TOX2: variants seen among roughly 807,000 people sequenced by gnomAD.
The protein encoded by TOX2 is granulosa cell HMG box 1.
In TOX2, 15 loss-of-function variants were observed where a neutral mutation model predicts 47.4. That is an observed-to-expected ratio of 0.32 (90% CI 0.21 to 0.49). The LOEUF is 0.49. Ranked by LOEUF, TOX2 falls within the 20% of genes least tolerant of loss-of-function variation. The pLI, the probability that TOX2 is intolerant of heterozygous loss-of-function variation, is 0.99. For synonymous variants in TOX2, 290 were observed against 296.6 expected (o/e 0.98, Z 0.23); for missense variants, 622 against 673.1 (o/e 0.92, Z 0.84).
At chr20:43,953,150 C>T (rs760790166) in intron 1 of TOX2, among the ~76,000 whole-genome samples, 1 of 152,152 alleles carries the variant, frequency 6.6e-6, no homozygotes, top group African/African-American at 2.4e-5. Context: ...CTAGAGCCTA[C>T]AGACCAGCCA....
At chr20:44,060,760 G>A (rs1234107042) in intron 5 of TOX2, among the ~76,000 whole-genome samples, 2 of 152,070 alleles carry the variant, frequency 1.3e-5, no homozygotes, top group Admixed American at 1.3e-4. Context: ...CAGCAAAAGT[G>A]GTGCTAAGAG....
At chr20:43,930,600 C>G (rs2069239372) in intron 1 of TOX2, among the ~76,000 whole-genome samples, 1 of 152,130 alleles carries the variant, frequency 6.6e-6, no homozygotes, top group Non-Finnish European at 1.5e-5. Flanking sequence ...AGGCGTCACT[C>G]CCAGTTGCTT....
At chr20:43,961,956 C>T (rs781334865) in intron 1 of TOX2, among the ~76,000 whole-genome samples, 11 of 152,202 alleles carry the variant, frequency 7.2e-5, no homozygotes, top group Non-Finnish European at 1.2e-4. Context: ...CCCCAGGCAG[C>T]GTCTGCAGCC....
chr20:43,929,030 G>A (rs1338619380), intron 1 of TOX2, among the ~76,000 whole-genome samples: 1 of 149,236 alleles, frequency 6.7e-6, no homozygotes, highest in African/African-American at 2.5e-5. Flanking sequence ...ATGGTGGCTC[G>A]TGCCTGTAAT....
At chr20:44,021,686 C>T (rs1043879631) in intron 3 of TOX2, among the ~76,000 whole-genome samples, 8 of 152,022 alleles carry the variant, frequency 5.3e-5, no homozygotes, top group African/African-American at 7.2e-5. Context: ...TGGAGTGCAG[C>T]GGTGCAATCA....
intron 1 of TOX2, among the ~76,000 whole-genome samples, chr20:43,940,779 A>G (rs1484304724): frequency 1.3e-5 from 2 of 152,212 alleles, no homozygotes; most frequent in Non-Finnish European, 2.9e-5. Flanking sequence ...ACAAAATCCC[A>G]GTGGGCATGA....
chr20:43,923,921 G>A (rs908136533), intron 1 of TOX2, among the ~76,000 whole-genome samples: 4 of 152,224 alleles, frequency 2.6e-5, no homozygotes, highest in Non-Finnish European at 4.4e-5. Flanking sequence ...GAGCTGTGGC[G>A]CTAAGGTGGC....
chr20:43,934,136 G>GGAGAGAGAGA (rs56662660), intron 1 of TOX2, among the ~76,000 whole-genome samples: 3,343 of 122,012 alleles, frequency 0.027, 111 homozygotes, highest in East Asian at 0.1. Context: ...CCCAAGGTAA[G>GGAGAGAGAGA]GAGAGAGAGA....
chr20:44,065,125 C>T (rs914860003), intron 6 of TOX2, among the ~76,000 whole-genome samples: 1 of 152,146 alleles, frequency 6.6e-6, no homozygotes, highest in Non-Finnish European at 1.5e-5. Flanking sequence ...TTAAAGTGGC[C>T]GCACTAGGAT....
In TOX2 at chr20:43,933,141, G is replaced by A. The variant is rs556909155; in HGVS notation, c.99+18151G>A. On this transcript the variant is annotated intron_variant, in intron 1 of 8. Coordinates refer to ENST00000341197, the MANE Select transcript of TOX2 (RefSeq NM_001098797.2). Reference sequence around the variant, plus strand: ...GCATCACACTCACCTGGAGCAAAGGGGACCACGTTGACCCCCACAGGTGGT... The same window carrying A: ...GCATCACACTCACCTGGAGCAAAGGAGACCACGTTGACCCCCACAGGTGGT... Among the ~76,000 whole-genome samples the A allele has an allele frequency of 7.9e-5, 12 of 152,282 alleles. No individual in the cohort carries two copies. In the South Asian group the frequency reaches 2.5e-3, roughly 32 times the overall value.
Position 44,066,822 on chromosome 20 carries a change from C to CT in TOX2, c.1450dup (p.Tyr484LeufsTer32), listed in dbSNP as rs1260500534. On this transcript the variant is annotated frameshift_variant, in exon 8 of 9. Transcript: ENST00000341197. LOFTEE classifies it high-confidence loss of function. ...CCAGCAGCGGGGACTGGGACAGCAG[C>CT]TACCCCAGTGGGGAGTGTGGCATCA... 6.2e-7 allele frequency: 1 copy of CT among 1,614,038 alleles called. No homozygotes were observed. The highest frequency in any genetic ancestry group is 8.5e-7 in the Non-Finnish European group (1 of 1,180,002).
intron 3 of TOX2, among the ~76,000 whole-genome samples, chr20:44,007,824 A>G (rs1207361053): frequency 2.0e-5 from 3 of 152,062 alleles, no homozygotes; most frequent in Admixed American, 2.0e-4. Context: ...ACAGGAAGAA[A>G]CATCATATTT....
At chr20:43,920,772 G>A (rs909652697) in intron 1 of TOX2, among the ~76,000 whole-genome samples, 2 of 152,164 alleles carry the variant, frequency 1.3e-5, no homozygotes, top group African/African-American at 2.4e-5. Context: ...AGCCTAGAGG[G>A]ATGGTGTGGG....
Position 43,916,187 on chromosome 20 carries a change from G to T in TOX2, c.99+1197G>T, listed in dbSNP as rs943359097. On this transcript the variant is annotated intron_variant, in intron 1 of 8. Transcript: ENST00000341197. The surrounding 1 kb of genome is among the most constrained non-coding windows in gnomAD (Gnocchi z 5.0). ...TTTCCCGCAGCCCTGGCGCAGACGC[G>T]TGGGCTCCGTGGCGATGCGGGGTGA... 2 of 985,546 alleles carry T rather than the reference G, an allele frequency of 2.0e-6. No individual in the cohort carries two copies. The highest frequency in any genetic ancestry group is 4.7e-5 in the South Asian group (1 of 21,292). 61.1% of individuals were successfully genotyped at this position (985,546 alleles called of 1,614,324 possible). A position where few individuals can be genotyped will look rare whatever the true frequency, so the allele number is the denominator to read the frequency against.
chr20:44,069,220 A>G lies in TOX2; in HGVS notation c.*534A>G, dbSNP rs2071894570. ...ATCTGTAAGACTATTTTGTGGGGGAAAAAAGTAGTTTCCTTTAAGGTAAAA... is the reference window on the plus strand; with the variant it reads ...ATCTGTAAGACTATTTTGTGGGGGAGAAAAGTAGTTTCCTTTAAGGTAAAA... On this transcript the variant is annotated 3_prime_UTR_variant, in exon 9 of 9. Transcript: ENST00000341197. 1 of 242,486 alleles carries G rather than the reference A, an allele frequency of 4.1e-6. No homozygotes were observed. Among genetic ancestry groups the G allele is most frequent in the Non-Finnish European group, 8.3e-6 (1 of 120,204 alleles). The allele number at this position is 242,486 out of a possible 1,614,324, so 15.0% of individuals were successfully genotyped here. A position where few individuals can be genotyped will look rare whatever the true frequency, so the allele number is the denominator to read the frequency against.
chr20:43,934,459 TG>T (rs1195495063), intron 1 of TOX2, among the ~76,000 whole-genome samples: 2 of 152,146 alleles, frequency 1.3e-5, no homozygotes, highest in African/African-American at 4.8e-5. Context: ...ACAGTGGGAT[TG>T]GAACCCAAGC....
At chr20:43,932,847 G>T (rs1016534923) in intron 1 of TOX2, among the ~76,000 whole-genome samples, 8 of 151,932 alleles carry the variant, frequency 5.3e-5, no homozygotes, top group African/African-American at 1.9e-4. Context: ...AGTGGGCCTT[G>T]CTTCCCTCCG....
rs1411584089 is a variant in TOX2 at position 43,915,985 on chromosome 20, G to T, written c.99+995G>T. On this transcript the variant is annotated intron_variant, in intron 1 of 8. Coordinates refer to ENST00000341197, the MANE Select transcript of TOX2 (RefSeq NM_001098797.2). The surrounding 1 kb of genome is among the most constrained non-coding windows in gnomAD (Gnocchi z 7.1). ...CTGCCGGGTCTGGCCCAGCCTGGATGGGTTGGGTGCCTCTAAGCAGTCCGC... is the reference window on the plus strand; with the variant it reads ...CTGCCGGGTCTGGCCCAGCCTGGATTGGTTGGGTGCCTCTAAGCAGTCCGC... 6.6e-6 allele frequency among the ~76,000 whole-genome samples: 1 copy of T among 152,258 alleles called. No individual in the cohort carries two copies. The highest frequency in any genetic ancestry group is 1.5e-5 in the Non-Finnish European group (1 of 68,040).
chr20:43,993,974 A>G (rs2070417278), intron 2 of TOX2, among the ~76,000 whole-genome samples: 1 of 151,966 alleles, frequency 6.6e-6, no homozygotes, highest in African/African-American at 2.4e-5. Flanking sequence ...GCAATATAGC[A>G]AGACCCGGTC....
Sources: gnomAD v4.1 joint callset for allele counts (sites outside exome capture counted in the v4.1 genomes callset) on GRCh38, gnomAD v4.1.1 for gene constraint, Gnocchi (gnomAD v3.1) non-coding constraint, MANE v1.5 for transcripts, NCBI Gene and HGNC (gene_info 2026-07-23, HGNC 2026-07-21) for gene names.